SCIN: variants seen among roughly 807,000 people sequenced by gnomAD.
The protein encoded by SCIN is scinderin, also known as adseverin.
A neutral mutation model predicts 91.8 loss-of-function variants in SCIN; 91 were observed. That is an observed-to-expected ratio of 0.99 (90% CI 0.84 to 1.18). The LOEUF (loss-of-function observed/expected upper bound fraction) is 1.18. Among genes scored for constraint, SCIN ranks in the 50% most tolerant of loss-of-function variants. The pLI is 0.00. For synonymous variants in SCIN, 367 were observed against 312.6 expected, an observed-to-expected ratio of 1.17 and a Z score of -1.84; for missense variants, 1,087 against 863.9, an observed-to-expected ratio of 1.26 and a Z score of -3.24.
intron 1 of SCIN, chr7:12,577,439 T>C (rs972088194): frequency 1.6e-5 from 7 of 437,762 alleles, no homozygotes; most frequent in Non-Finnish European, 3.2e-5. Flanking sequence ...TCTGATCTTA[T>C]TGACCTTACC....
intron 3 of SCIN, among the ~76,000 whole-genome samples, chr7:12,592,582 G>A (rs571713153): frequency 3.3e-5 from 5 of 152,132 alleles, no homozygotes; most frequent in Middle Eastern, 3.4e-3. Flanking sequence ...CCGGACTAGC[G>A]GAGAGGAGCA....
chr7:12,627,666 A>C (rs1783555854), intron 8 of SCIN, among the ~76,000 whole-genome samples: 1 of 152,224 alleles, frequency 6.6e-6, no homozygotes, highest in African/African-American at 2.4e-5. Context: ...GAGAGTGGGA[A>C]GTGCCAAGGG....
At chr7:12,626,131 TAAG>T (rs1290057880) in intron 7 of SCIN, 4 of 370,316 alleles carry the variant, frequency 1.1e-5, no homozygotes, top group Non-Finnish European at 1.9e-5. Flanking sequence ...TAAGAGCACT[TAAG>T]AGTTATTATT....
At position 12,657,572 on chromosome 7, in the gene SCIN, A is replaced by ATTGTTTTTTTTTTT. The variant is rs1784192256; in HGVS notation, c.*4859_*4860insGTTTTTTTTTTTTT. Reference sequence around the variant, plus strand: ...TATATATATATATATATATATATATATTTTTTTTTTTTTTTTTTTTTTTTT... The same window carrying ATTGTTTTTTTTTTT: ...TATATATATATATATATATATATATATTGTTTTTTTTTTTTTTTTTTTTTTTTTTTTTTTTTTTT... On this transcript the variant is annotated 3_prime_UTR_variant, in exon 16 of 16. Transcript: ENST00000297029. The ATTGTTTTTTTTTTT allele has an allele frequency of 4.5e-5, 1 of 22,080 alleles. No individual in the cohort carries two copies. The highest frequency in any genetic ancestry group is 1.2e-3 in the Admixed American group (1 of 864). 1.4% of individuals were successfully genotyped at this position (22,080 alleles called of 1,614,324 possible).
Position 12,570,939 on chromosome 7 carries a change from G to C in SCIN, c.153G>C (p.Thr51=), listed in dbSNP as rs1283975289. Residue 51 remains threonine (T), a synonymous_variant, in exon 1 of 16, where the codon ACG becomes ACC. Coordinates refer to ENST00000297029, the MANE Select transcript of SCIN (RefSeq NM_001112706.3). Reference sequence around the variant, plus strand: ...GGGATGCCTACCTGGTGCTGCACACGGCCAAGACGAGCCGAGGCTTCACCT... The same window carrying C: ...GGGATGCCTACCTGGTGCTGCACACCGCCAAGACGAGCCGAGGCTTCACCT... ...YVGDAYLVLH[T]AKTSRGFTYH... 1 of 1,551,272 alleles carries C rather than the reference G, an allele frequency of 6.4e-7. No homozygotes were observed. Among genetic ancestry groups the C allele is most frequent in the African/African-American group, 1.4e-5 (1 of 73,046 alleles).
intron 3 of SCIN, among the ~76,000 whole-genome samples, chr7:12,594,612 C>A (rs1181000942): frequency 1.3e-5 from 2 of 151,996 alleles, no homozygotes; most frequent in African/African-American, 2.4e-5. Flanking sequence ...AGGCCGAGAG[C>A]CTTGCGATTG....
chr7:12,628,745 A>G (rs563457218), intron 8 of SCIN, among the ~76,000 whole-genome samples: 72 of 152,266 alleles, frequency 4.7e-4, no homozygotes, highest in African/African-American at 1.6e-3. Flanking sequence ...TTCATAATTG[A>G]AGAAAAAAAT....
chr7:12,571,078 G>A lies in SCIN; in HGVS notation c.199+93G>A, dbSNP rs1455689421. ...GATTTGCAGGCGTGGGAGTAAAGGGGACCGCAAACTGAGCTAGCCACTCGC... is the reference window on the plus strand; with the variant it reads ...GATTTGCAGGCGTGGGAGTAAAGGGAACCGCAAACTGAGCTAGCCACTCGC... On this transcript the variant is annotated intron_variant, in intron 1 of 15. Coordinates refer to ENST00000297029, the MANE Select transcript of SCIN (RefSeq NM_001112706.3). 10 of 1,334,810 alleles carry A rather than the reference G, an allele frequency of 7.5e-6. No individual in the cohort carries two copies. The South Asian group carries it at 1.4e-4, about 18-fold the overall frequency. The allele number at this position is 1,334,810 out of a possible 1,614,324, so 82.7% of individuals were successfully genotyped here.
At chr7:12,581,418 T>C (rs1782486121) in intron 3 of SCIN, among the ~76,000 whole-genome samples, 197 bp downstream of exon 3, 1 of 152,162 alleles carries the variant, frequency 6.6e-6, no homozygotes, top group African/African-American at 2.4e-5. Context: ...TTTGATAGGT[T>C]TAGAATAGTG....
At chr7:12,608,397 C>G (rs849783) in intron 4 of SCIN, among the ~76,000 whole-genome samples, 1 of 152,148 alleles carries the variant, frequency 6.6e-6, no homozygotes, top group South Asian at 2.1e-4. Flanking sequence ...TTTCTGAGAC[C>G]CTGGTGCAAC....
chr7:12,628,142 A>G (rs1490067543), intron 8 of SCIN, among the ~76,000 whole-genome samples: 1 of 151,456 alleles, frequency 6.6e-6, no homozygotes, highest in Non-Finnish European at 1.5e-5. Flanking sequence ...TACAATTCTC[A>G]TCTCTCCAAG....
At chr7:12,636,882 T>C (rs1162718733) in intron 10 of SCIN, among the ~76,000 whole-genome samples, 1 of 151,854 alleles carries the variant, frequency 6.6e-6, no homozygotes, top group Non-Finnish European at 1.5e-5. Context: ...ACCCCATGAA[T>C]ATCTACAATT....
intron 13 of SCIN, among the ~76,000 whole-genome samples, chr7:12,647,983 A>T (rs1397634291): frequency 1.3e-5 from 2 of 152,152 alleles, no homozygotes; most frequent in African/African-American, 4.8e-5. Context: ...GCAAAGTCAC[A>T]TGCCAGAGGG....
chr7:12,597,559 T>G (rs1782869253), intron 3 of SCIN, among the ~76,000 whole-genome samples: 1 of 152,226 alleles, frequency 6.6e-6, no homozygotes, highest in African/African-American at 2.4e-5. Context: ...ATTGTTTTAC[T>G]TTTGCCCTTA....
At chr7:12,571,904 G>T (rs907212073) in intron 1 of SCIN, among the ~76,000 whole-genome samples, 1 of 151,992 alleles carries the variant, frequency 6.6e-6, no homozygotes, top group Non-Finnish European at 1.5e-5. Flanking sequence ...TGTGCCAGTG[G>T]GCACACCCTG....
At chr7:12,607,405 T>C (rs1442951644) in intron 4 of SCIN, among the ~76,000 whole-genome samples, 1 of 152,188 alleles carries the variant, frequency 6.6e-6, no homozygotes, top group Non-Finnish European at 1.5e-5. Context: ...TGGATTTCAT[T>C]CAATGTTTCG....
At position 12,651,800 on chromosome 7, in the gene SCIN, A is replaced by G. The variant is rs201632579; in HGVS notation, c.1960-41A>G. On this transcript the variant is annotated intron_variant, in intron 14 of 15. Transcript: ENST00000297029. The surrounding 1 kb of genome is among the most constrained non-coding windows in gnomAD (Gnocchi z 5.9). ...ACATAGGGCCTAGCACTGAGTCAAC[A>G]TCCCAGAAATCATACATATTGTTAT... The G allele has an allele frequency of 2.5e-3, 3,268 of 1,325,986 alleles. 16 individuals are homozygous for G. The highest frequency in any genetic ancestry group is 6.3e-3 in the Middle Eastern group (35 of 5,544). The allele number at this position is 1,325,986 out of a possible 1,614,324, so 82.1% of individuals were successfully genotyped here.
intron 4 of SCIN, among the ~76,000 whole-genome samples, chr7:12,609,483 C>A (rs1253176948): frequency 6.6e-6 from 1 of 151,494 alleles, no homozygotes; most frequent in Non-Finnish European, 1.5e-5. Flanking sequence ...CTTGATTAAT[C>A]GTTTTGTAAA....
Position 12,579,484 on chromosome 7 carries a change from G to GT in SCIN, c.354+1268dup, listed in dbSNP as rs1782444675. ...AAGCAGGTGCTGTGACACCATCATA[G>GT]TTATGAACCCATTTCTGCCACATAT... On this transcript the variant is annotated intron_variant, in intron 2 of 15. Transcript: ENST00000297029. Among the ~76,000 whole-genome samples the GT allele has an allele frequency of 2.6e-5, 4 of 152,296 alleles. No homozygotes were observed. The South Asian group carries it at 8.3e-4, about 32-fold the overall frequency.
Sources: allele counts gnomAD v4.1 joint callset (sites outside exome capture counted in the v4.1 genomes callset), GRCh38; gene constraint gnomAD v4.1.1; non-coding constraint Gnocchi (gnomAD v3.1); transcripts MANE v1.5; gene names NCBI Gene and HGNC (gene_info 2026-07-23, HGNC 2026-07-21).